Variants in RORA observed in about 807,000 individuals in gnomAD.
The protein encoded by RORA is RAR related orphan receptor A.
In RORA, 7 loss-of-function variants were observed where a neutral mutation model predicts 69.5. The observed-to-expected ratio is 0.10, with a 90% CI of 0.06 to 0.19. The LOEUF is 0.19. Ranked by LOEUF, RORA falls within the 10% of genes least tolerant of loss-of-function variation. RORA has a pLI of 1.00. For missense variants in RORA, 457 were observed against 663.0 expected, an observed-to-expected ratio of 0.69 and a Z score of 3.41; for synonymous variants, 261 against 240.8, an observed-to-expected ratio of 1.08 and a Z score of -0.78.
chr15:60,711,562 T>G (rs2140809560), intron 1 of RORA, among the ~76,000 whole-genome samples: 1 of 152,306 alleles, frequency 6.6e-6, no homozygotes, highest in African/African-American at 2.4e-5. Context: ...CAGAAGGGTT[T>G]ACCTTTAGAG....
rs117458658 is a variant in RORA, at chr15:60,499,904, T to A, written c.1395A>T (p.Gly465=). ...HVLQKNHRED[G]ILTKLICKVS... is the part of the protein sequence containing the mutation. ...CTTTGGCACTCACCTTTGTTAGTATTCCATCTTCTCGGTGATTCTTCTGTA... is the reference window on the plus strand; with the variant it reads ...CTTTGGCACTCACCTTTGTTAGTATACCATCTTCTCGGTGATTCTTCTGTA... The change falls in exon 10 of 11, where the codon GGA becomes GGT. Residue 465 remains glycine, a synonymous_variant. Transcript: ENST00000335670. The A allele has an allele frequency of 1.0e-3, 1,626 of 1,600,684 alleles. 12 individuals carry two copies. In the Middle Eastern group the frequency reaches 0.023, roughly 23 times the overall value.
At chr15:60,972,674 T>C (rs1268399121) in intron 1 of RORA, among the ~76,000 whole-genome samples, 2 of 152,230 alleles carry the variant, frequency 1.3e-5, no homozygotes, top group East Asian at 3.8e-4. Context: ...CAATGCTTAC[T>C]GGCTGTGTGA....
At chr15:61,146,364 C>A (rs1181591017) in intron 1 of RORA, among the ~76,000 whole-genome samples, 4 of 151,960 alleles carry the variant, frequency 2.6e-5, no homozygotes, top group African/African-American at 4.8e-5. Flanking sequence ...GTGCCCCCCA[C>A]CAAAGAAAAT....
In RORA at chr15:61,021,964, C is replaced by A. The variant is rs369917953; in HGVS notation, c.166+207089G>T. Among the ~76,000 whole-genome samples the A allele has an allele frequency of 3.0e-4, 45 of 152,284 alleles. 2 individuals are homozygous for A. The South Asian group carries it at 6.8e-3, about 23-fold the overall frequency. ...ACCTGGATGGGCTTCATATGGTGCT[C>A]TGCTCAGAATAAGTGCCCTTGGTCA... On this transcript the variant is annotated intron_variant, in intron 1 of 10. Transcript: ENST00000335670.
chr15:60,548,981 T>C (rs1434448188), intron 2 of RORA, among the ~76,000 whole-genome samples: 3 of 152,190 alleles, frequency 2.0e-5, no homozygotes, highest in Admixed American at 1.3e-4. Flanking sequence ...TAGCTTTACA[T>C]TGCTCTTATT....
At chr15:60,715,991 C>T (rs572694332) in intron 1 of RORA, among the ~76,000 whole-genome samples, 59 of 152,180 alleles carry the variant, frequency 3.9e-4, no homozygotes, top group Non-Finnish European at 7.8e-4. Flanking sequence ...ACTACTCAGT[C>T]AGCATCTTTA....
At chr15:61,219,581 TAA>T (rs376772819) in intron 1 of RORA, among the ~76,000 whole-genome samples, 2 of 147,854 alleles carry the variant, frequency 1.4e-5, no homozygotes, top group Non-Finnish European at 3.0e-5. Flanking sequence ...TCTCAAAATT[TAA>T]AAAAAAAAAA....
chr15:60,638,984 G>A (rs2069889369), intron 2 of RORA, among the ~76,000 whole-genome samples: 1 of 152,062 alleles, frequency 6.6e-6, no homozygotes, highest in Non-Finnish European at 1.5e-5. Flanking sequence ...CGGGGATGAG[G>A]GTCAGAGTCA....
Position 60,497,481 on chromosome 15 carries a change from C to G in RORA, c.1546G>C (p.Glu516Gln). Residue 516 changes from glutamate to glutamine, a missense_variant, in exon 11 of 11, where the codon GAG becomes CAG. Coordinates refer to ENST00000335670, the MANE Select transcript of RORA (RefSeq NM_134261.3). Reference sequence around the variant, plus strand: ...TACCCATCAATTTGCATTGCTGGCTCAAATTCTGAAGTGAACAACTCCTTG... The same window carrying G: ...TACCCATCAATTTGCATTGCTGGCTGAAATTCTGAAGTGAACAACTCCTTG... ...LYKELFTSEF[E>Q]PAMQIDG 1 of 1,614,066 alleles carries G rather than the reference C, an allele frequency of 6.2e-7. No homozygotes were observed. Among genetic ancestry groups the G allele is most frequent in the Non-Finnish European group, 8.5e-7 (1 of 1,179,966 alleles).
intron 1 of RORA, among the ~76,000 whole-genome samples, chr15:60,801,110 C>A (rs1456239107): frequency 6.6e-6 from 1 of 152,240 alleles, no homozygotes; most frequent in Non-Finnish European, 1.5e-5. Flanking sequence ...GAGTGGCACA[C>A]TACTGCCAAC....
At chr15:61,192,264 A>G (rs2079807673) in intron 1 of RORA, among the ~76,000 whole-genome samples, 2 of 152,248 alleles carry the variant, frequency 1.3e-5, no homozygotes, top group South Asian at 4.1e-4. Context: ...TCTGTAAATT[A>G]ATGTGTTTTA....
At chr15:61,228,310 G>C (rs1214533257) in intron 1 of RORA, among the ~76,000 whole-genome samples, 1 of 152,146 alleles carries the variant, frequency 6.6e-6, no homozygotes, top group Non-Finnish European at 1.5e-5. Flanking sequence ...CAGCCTGGGC[G>C]CCGGGCTCCG....
chr15:60,909,418 C>T (rs1891637231), intron 1 of RORA, among the ~76,000 whole-genome samples: 1 of 152,206 alleles, frequency 6.6e-6, no homozygotes, highest in African/African-American at 2.4e-5. Context: ...CGGGAAAAGT[C>T]AATGTTAGCA....
At chr15:60,856,121 A>T (rs1418059938) in intron 1 of RORA, among the ~76,000 whole-genome samples, 1 of 152,156 alleles carries the variant, frequency 6.6e-6, no homozygotes, top group Non-Finnish European at 1.5e-5. Flanking sequence ...CAACAACCAC[A>T]TCCCTGAACA....
intron 1 of RORA, among the ~76,000 whole-genome samples, chr15:61,205,323 G>A (rs1411542536): frequency 2.6e-5 from 4 of 152,176 alleles, no homozygotes; most frequent in African/African-American, 4.8e-5. Context: ...GGGCAATTCT[G>A]AGGATATGTC....
At chr15:60,563,704 A>T (rs1409794791) in intron 2 of RORA, among the ~76,000 whole-genome samples, 1 of 151,986 alleles carries the variant, frequency 6.6e-6, no homozygotes, top group African/African-American at 2.4e-5. Context: ...CTCTTAGGAA[A>T]CGGGCTCCCC....
At chr15:60,661,081 ATTT>A (rs35005286) in intron 2 of RORA, among the ~76,000 whole-genome samples, 6 of 141,116 alleles carry the variant, frequency 4.3e-5, no homozygotes, top group Admixed American at 1.4e-4. Flanking sequence ...TAGAGGAGTT[ATTT>A]TTTTTTTTTT....
chr15:61,174,112 T>C (rs1018967154), intron 1 of RORA, among the ~76,000 whole-genome samples: 1 of 152,236 alleles, frequency 6.6e-6, no homozygotes, highest in African/African-American at 2.4e-5. Context: ...GCACATTACC[T>C]ACTCTCTCAG....
chr15:61,204,492 G>A (rs2140930044), intron 1 of RORA, among the ~76,000 whole-genome samples: 2 of 152,342 alleles, frequency 1.3e-5, no homozygotes, highest in South Asian at 4.1e-4. Context: ...CTACAAAGGC[G>A]AGCACGTATG....
Sources: gnomAD v4.1 joint callset for allele counts (sites outside exome capture counted in the v4.1 genomes callset) on GRCh38, gnomAD v4.1.1 for gene constraint, MANE v1.5 for transcripts, NCBI Gene and HGNC (gene_info 2026-07-23, HGNC 2026-07-21) for gene names.